The following CSMD1 variants were observed in gnomAD, a reference collection of about 807,000 sequenced individuals.
CSMD1 encodes CUB and sushi domain-containing protein 1.
CSMD1 carries 213 observed loss-of-function variants against 417.5 expected under a neutral mutation model. The ratio of observed to expected loss-of-function variants is 0.51; its 90% confidence interval spans 0.46 to 0.57. CSMD1 has a LOEUF of 0.57. CSMD1 is among the 20% of genes least tolerant of loss of function. CSMD1 has a pLI of 0.00. For missense variants in CSMD1, 6,923 were observed against 4,529.7 expected, an observed-to-expected ratio of 1.53 and a Z score of -15.17; for synonymous variants, 2,862 against 1,736.8, an observed-to-expected ratio of 1.65 and a Z score of -16.11.
At chr8:3,921,410 T>C (rs1319406564) in intron 5 of CSMD1, among the ~76,000 whole-genome samples, 1 of 152,128 alleles carries the variant, frequency 6.6e-6, no homozygotes, top group East Asian at 1.9e-4. Context: ...TTATCTAACT[T>C]GTATTATTTT....
chr8:4,190,015 T>G (rs1366272814), intron 3 of CSMD1, among the ~76,000 whole-genome samples: 2 of 151,730 alleles, frequency 1.3e-5, no homozygotes, highest in South Asian at 4.2e-4. Flanking sequence ...TCCCAGCACT[T>G]TGGGAGGCCA....
chr8:4,565,249 C>T (rs1037588313), intron 2 of CSMD1, among the ~76,000 whole-genome samples: 2 of 152,184 alleles, frequency 1.3e-5, no homozygotes, highest in African/African-American at 2.4e-5. Flanking sequence ...AAGAATGCCT[C>T]ATTCACAATA....
chr8:4,022,581 A>G (rs1796844331), intron 4 of CSMD1, among the ~76,000 whole-genome samples: 1 of 152,178 alleles, frequency 6.6e-6, no homozygotes, highest in African/African-American at 2.4e-5. Context: ...GGGCACGAGT[A>G]AAGAGAAGCC....
chr8:4,415,032 A>G (rs754217521), intron 3 of CSMD1, among the ~76,000 whole-genome samples: 7 of 152,214 alleles, frequency 4.6e-5, no homozygotes, highest in African/African-American at 1.7e-4. Context: ...CAAAAATGCT[A>G]TCCTTCGTTT....
intron 5 of CSMD1, among the ~76,000 whole-genome samples, chr8:3,947,039 T>C (rs1042560075): frequency 2.6e-5 from 4 of 152,332 alleles, no homozygotes; most frequent in African/African-American, 7.2e-5. Flanking sequence ...TTCTTGTTCA[T>C]GGCACTTGCT....
At chr8:3,647,599 C>T (rs1346581045) in intron 7 of CSMD1, among the ~76,000 whole-genome samples, 1 of 152,010 alleles carries the variant, frequency 6.6e-6, no homozygotes, top group Non-Finnish European at 1.5e-5. Context: ...CATGTTGGAA[C>T]CACTGGCAAC....
chr8:4,015,382 C>A (rs576623188), intron 4 of CSMD1, among the ~76,000 whole-genome samples: 1 of 152,226 alleles, frequency 6.6e-6, no homozygotes, highest in African/African-American at 2.4e-5. Flanking sequence ...TCTCTAGTAG[C>A]AGAATGCCTA....
chr8:2,984,401 T>C (rs1585094020), intron 54 of CSMD1, among the ~76,000 whole-genome samples: 1 of 151,896 alleles, frequency 6.6e-6, no homozygotes, highest in Admixed American at 6.6e-5. Flanking sequence ...CAGGCTGGAG[T>C]GCAGTGGCAT....
chr8:4,183,973 T>C (rs1305278968), intron 3 of CSMD1, among the ~76,000 whole-genome samples: 2 of 152,150 alleles, frequency 1.3e-5, no homozygotes, highest in South Asian at 2.1e-4. Flanking sequence ...GAAGGAAAAT[T>C]CTCAGAGCCT....
At chr8:4,070,820 C>G (rs771647658) in intron 3 of CSMD1, among the ~76,000 whole-genome samples, 20 of 152,188 alleles carry the variant, frequency 1.3e-4, no homozygotes, top group Admixed American at 3.9e-4. Flanking sequence ...GACTCACCCT[C>G]ATTCTTGAAG....
At chr8:4,822,664 T>C (rs1799587509) in intron 1 of CSMD1, among the ~76,000 whole-genome samples, 1 of 152,158 alleles carries the variant, frequency 6.6e-6, no homozygotes, top group African/African-American at 2.4e-5. Flanking sequence ...TTGTTCACAG[T>C]ATTTATTTAA....
intron 3 of CSMD1, among the ~76,000 whole-genome samples, chr8:4,372,459 G>C (rs768796332): frequency 6.6e-6 from 1 of 151,716 alleles, no homozygotes; most frequent in Non-Finnish European, 1.5e-5. Context: ...CTCAATTCAA[G>C]GGCAATAGTT....
chr8:4,800,756 T>G (rs1451612886), intron 1 of CSMD1, among the ~76,000 whole-genome samples: 1 of 152,158 alleles, frequency 6.6e-6, no homozygotes, highest in Non-Finnish European at 1.5e-5. Context: ...TTTGGTGGGA[T>G]GGGCTTTTGG....
chr8:4,685,259 T>C (rs561239406), intron 1 of CSMD1, among the ~76,000 whole-genome samples: 3 of 152,288 alleles, frequency 2.0e-5, no homozygotes, highest in South Asian at 4.1e-4. Flanking sequence ...ACAGGTCTAC[T>C]TACCACATGC....
chr8:4,770,596 G>A (rs1050883118), intron 1 of CSMD1, among the ~76,000 whole-genome samples: 19 of 151,804 alleles, frequency 1.3e-4, no homozygotes, highest in Non-Finnish European at 1.6e-4. Context: ...AAAACCTATG[G>A]CATTGGCATA....
intron 3 of CSMD1, among the ~76,000 whole-genome samples, chr8:4,277,079 A>G (rs1796529179): frequency 6.6e-6 from 1 of 152,190 alleles, no homozygotes; most frequent in Admixed American, 6.6e-5. Context: ...TGTGTGTTTT[A>G]TAAAATTGCA....
At chr8:4,625,539 T>G (rs1196675235) in intron 2 of CSMD1, among the ~76,000 whole-genome samples, 1 of 151,946 alleles carries the variant, frequency 6.6e-6, no homozygotes, top group African/African-American at 2.4e-5. Flanking sequence ...GAACCATCTC[T>G]AGTCCAAAGT....
At chr8:2,992,891 A>G (rs1490266794) in intron 54 of CSMD1, among the ~76,000 whole-genome samples, 3 of 151,518 alleles carry the variant, frequency 2.0e-5, no homozygotes, top group Non-Finnish European at 4.4e-5. Context: ...GCATGTACCT[A>G]CCATCGCAGC....
At chr8:3,039,050 G>C (rs928061255) in intron 50 of CSMD1, among the ~76,000 whole-genome samples, 14 of 152,202 alleles carry the variant, frequency 9.2e-5, no homozygotes, top group African/African-American at 3.1e-4. Flanking sequence ...AAGAGATCTA[G>C]ACAGAAAGTA....
Sources: gnomAD v4.1 joint callset for allele counts (sites outside exome capture counted in the v4.1 genomes callset) on GRCh38, gnomAD v4.1.1 for gene constraint, MANE v1.5 for transcripts, NCBI Gene and HGNC (gene_info 2026-07-23, HGNC 2026-07-21) for gene names.